Variants in TMTC3 observed in about 807,000 individuals in gnomAD.
TMTC3 encodes the protein protein O-mannosyl-transferase TMTC3.
A neutral mutation model predicts 92.2 loss-of-function variants in TMTC3; 52 were observed. That is an observed-to-expected ratio of 0.56 (90% confidence interval 0.45 to 0.71). The LOEUF is 0.71. TMTC3 is among the 30% of genes least tolerant of loss of function. TMTC3 has a pLI of 0.00. For missense variants in TMTC3, 896 were observed against 1,057.1 expected (o/e 0.85, Z 2.11); for synonymous variants, 339 against 363.3 (o/e 0.93, Z 0.76).
intron 7 of TMTC3, among the ~76,000 whole-genome samples, chr12:88,167,732 A>C (rs1396439034): frequency 3.9e-5 from 6 of 152,200 alleles, no homozygotes; most frequent in Non-Finnish European, 7.3e-5. Context: ...ATTATCCTTG[A>C]ACATGTTGAG....
chr12:88,177,350 T>G (rs1194835314), intron 10 of TMTC3, among the ~76,000 whole-genome samples: 4 of 151,948 alleles, frequency 2.6e-5, no homozygotes, highest in African/African-American at 9.7e-5. Flanking sequence ...TAGTTACATG[T>G]TTTTCTGTTG....
chr12:88,168,451 T>C (rs1005949403), intron 7 of TMTC3, among the ~76,000 whole-genome samples: 5 of 152,176 alleles, frequency 3.3e-5, no homozygotes, highest in African/African-American at 7.2e-5. Context: ...GCTTATCTTA[T>C]GTAGGGCCTG....
chr12:88,166,159 G>A (rs2041140665), intron 6 of TMTC3, among the ~76,000 whole-genome samples, 171 bp from the exon 7 acceptor site: 1 of 152,086 alleles, frequency 6.6e-6, no homozygotes, highest in Non-Finnish European at 1.5e-5. Context: ...GTTTCATAAA[G>A]TTTTGATAGT....
rs1334897996 is a variant in TMTC3 at position 88,148,508 on chromosome 12, A to G, written c.189+4A>G. 6.3e-7 allele frequency: 1 copy of G among 1,585,324 alleles called. No individual in the cohort carries two copies. The highest frequency in any genetic ancestry group is 1.4e-5 in the African/African-American group (1 of 73,866). ...CTGGGGAACCCCTATGTCTGAGGTA[A>G]GTAATTACTTACATATTACTTGTAC... On this transcript the variant is annotated splice_donor_region_variant and intron_variant, in intron 2 of 13. Coordinates refer to ENST00000266712, the MANE Select transcript of TMTC3 (RefSeq NM_181783.4).
chr12:88,152,968 A>C (rs1000326180), intron 2 of TMTC3, among the ~76,000 whole-genome samples: 2 of 152,166 alleles, frequency 1.3e-5, no homozygotes, highest in African/African-American at 4.8e-5. Context: ...CCTGTGCTCT[A>C]ACTTGACCAA....
At chr12:88,164,608 T>A (rs1054240656) in intron 6 of TMTC3, among the ~76,000 whole-genome samples, 1 of 152,214 alleles carries the variant, frequency 6.6e-6, no homozygotes, top group African/African-American at 2.4e-5. Flanking sequence ...TTTATCTACT[T>A]TAACATTTAG....
chr12:88,195,820 G>GTA lies in TMTC3; in HGVS notation c.*175_*176dup. 2.0e-6 allele frequency: 1 copy of GTA among 496,780 alleles called. No individual in the cohort carries two copies. The highest frequency in any genetic ancestry group is 3.8e-5 in the Admixed American group (1 of 26,314). 30.8% of individuals were successfully genotyped at this position (496,780 alleles called of 1,614,324 possible). On this transcript the variant is annotated 3_prime_UTR_variant, in exon 14 of 14. Coordinates refer to ENST00000266712, the MANE Select transcript of TMTC3 (RefSeq NM_181783.4). ...TTAAAGACCTGTATTATCCCAGGAT[G>GTA]TATATTATGTATCGCTGTTTTCAGA...
At chr12:88,153,618 T>G in intron 3 of TMTC3, 109 bp downstream of exon 3, 1 of 570,508 alleles carries the variant, frequency 1.8e-6, no homozygotes, top group Non-Finnish European at 2.9e-6. Flanking sequence ...ACCCTGACTT[T>G]AATCCAAATA....
intron 10 of TMTC3, among the ~76,000 whole-genome samples, chr12:88,179,331 A>G (rs1373398212): frequency 2.0e-5 from 3 of 152,166 alleles, no homozygotes; most frequent in African/African-American, 7.2e-5. Context: ...AGGGACAACT[A>G]GTGTGATGGT....
chr12:88,185,806 G>A (rs1233456950), intron 10 of TMTC3, among the ~76,000 whole-genome samples: 1 of 151,416 alleles, frequency 6.6e-6, no homozygotes, highest in East Asian at 1.9e-4. Context: ...TGATGATAAG[G>A]TTTTTATTTT....
At chr12:88,192,575 A>G (rs2041456489) in intron 12 of TMTC3, 29 bp from the exon 13 acceptor site, 7 of 1,543,324 alleles carry the variant, frequency 4.5e-6, no homozygotes, top group Non-Finnish European at 6.2e-6. Flanking sequence ...TAATGTTGTA[A>G]GTAAAGCTTG....
At position 88,196,630 on chromosome 12, in the gene TMTC3, C is replaced by T. The variant is rs1281608761; in HGVS notation, c.*981C>T. 2 of 151,826 alleles carry T rather than the reference C, an allele frequency of 1.3e-5. No individual in the cohort carries two copies. Among genetic ancestry groups the T allele is most frequent in the Admixed American group, 1.3e-4 (2 of 15,238 alleles). The allele number at this position is 151,826 out of a possible 1,614,324, so 9.4% of individuals were successfully genotyped here. On this transcript the variant is annotated 3_prime_UTR_variant, in exon 14 of 14. Transcript: ENST00000266712. The stretch of plus-strand genomic sequence containing the variant: ...GAATTCAGTTCTGTTTGACTGAAAG[C>T]AAAACAACGTGACAGTTTATTTTCA...
At chr12:88,163,073 G>A (rs942198126) in intron 6 of TMTC3, among the ~76,000 whole-genome samples, 2 of 151,850 alleles carry the variant, frequency 1.3e-5, no homozygotes, top group African/African-American at 2.4e-5. Context: ...GCGCCACCAC[G>A]CCCAGCTGAT....
At chr12:88,185,870 A>AC (rs1393843524) in intron 10 of TMTC3, among the ~76,000 whole-genome samples, 3 of 152,130 alleles carry the variant, frequency 2.0e-5, no homozygotes, top group African/African-American at 7.2e-5. Flanking sequence ...TGTTAAAACA[A>AC]CCTTGCCTTC....
chr12:88,171,100 A>C (rs949738440), intron 7 of TMTC3, among the ~76,000 whole-genome samples: 1 of 152,154 alleles, frequency 6.6e-6, no homozygotes, highest in African/African-American at 2.4e-5. Flanking sequence ...GTAGTCTGCT[A>C]TCTTGTCTGA....
chr12:88,196,835 A>G lies in TMTC3; in HGVS notation c.*1186A>G, dbSNP rs1401576818. 1 of 151,812 alleles carries G rather than the reference A, an allele frequency of 6.6e-6. No homozygotes were observed. Among genetic ancestry groups the G allele is most frequent in the Non-Finnish European group, 1.5e-5 (1 of 67,776 alleles). 9.4% of individuals were successfully genotyped at this position (151,812 alleles called of 1,614,324 possible). A position where few individuals can be genotyped will look rare whatever the true frequency, so the allele number is the denominator to read the frequency against. ...ACCAGAATTGTATCATTTTTGGCCT[A>G]ATGTCTGGATATAAAAGATAATTAG... is the stretch of plus-strand genomic sequence containing the variant. On this transcript the variant is annotated 3_prime_UTR_variant, in exon 14 of 14. Transcript: ENST00000266712.
In TMTC3 at chr12:88,195,367, T is replaced by C. The variant is rs977082880; in HGVS notation, c.2463T>C (p.Ser821=). The C allele has an allele frequency of 1.9e-6, 3 of 1,613,856 alleles. No homozygotes were observed. The African/African-American group carries it at 4.0e-5, about 22-fold the overall frequency. ...TAGTCAGGGATAAGATTTCCTCATC[T>C]AGTTTTATAGAGCCAATATTCCCAA... ...LNIVRDKISS[S]SFIEPIFPTS... The change falls in exon 14 of 14, where the codon TCT becomes TCC. Residue 821 remains serine, a synonymous_variant. Transcript: ENST00000266712.
In TMTC3 at chr12:88,189,286, G is replaced by T. The variant is rs1044375539; in HGVS notation, c.1536+340G>T. Among the ~76,000 whole-genome samples, 3 of 151,916 alleles carry T rather than the reference G, an allele frequency of 2.0e-5. No homozygotes were observed. The East Asian group carries it at 5.8e-4, about 29-fold the overall frequency. ...TTTTTGTATTTTTAGTAGAGACAGG[G>T]TTTCACCATATTGGCCAGGCTGGTC... On this transcript the variant is annotated intron_variant, in intron 11 of 13. Coordinates refer to ENST00000266712, the MANE Select transcript of TMTC3 (RefSeq NM_181783.4).
In TMTC3 at chr12:88,195,014, G is replaced by C. The variant is rs369171632; in HGVS notation, c.2110G>C (p.Ala704Pro). 6.2e-7 allele frequency: 1 copy of C among 1,613,804 alleles called. No homozygotes were observed. ...AAAGTTACAAGCCGACTTCCGAAGTGCTTTGTTTAATCTGGCTCTCCTGTA... is the reference window on the plus strand; with the variant it reads ...AAAGTTACAAGCCGACTTCCGAAGTCCTTTGTTTAATCTGGCTCTCCTGTA... ...AIKLQADFRSALFNLALLYSQ... is the reference protein window; with the variant it reads ...AIKLQADFRSPLFNLALLYSQ... Residue 704 changes from alanine to proline, a missense_variant, in exon 14 of 14, where the codon GCT (alanine) becomes CCT (proline). Physicochemically the swap from Ala to Pro is conservative, Grantham distance 27. Coordinates refer to ENST00000266712, the MANE Select transcript of TMTC3 (RefSeq NM_181783.4).
Sources: allele counts gnomAD v4.1 joint callset (sites outside exome capture counted in the v4.1 genomes callset), GRCh38; gene constraint gnomAD v4.1.1; transcripts MANE v1.5; gene names NCBI Gene and HGNC (gene_info 2026-07-23, HGNC 2026-07-21).